SYBU: variants seen among roughly 807,000 people sequenced by gnomAD.
The protein encoded by SYBU is syntabulin.
In SYBU, 21 loss-of-function variants were observed where a neutral mutation model predicts 35.9. The observed-to-expected ratio is 0.58, with a 90% confidence interval of 0.41 to 0.84. The LOEUF (loss-of-function observed/expected upper bound fraction) is 0.84, where lower values mean the gene tolerates loss of function less well. Ranked by LOEUF, SYBU falls within the 40% of genes least tolerant of loss-of-function variation. The pLI is 0.00. For missense variants in SYBU, 768 were observed against 848.2 expected (o/e 0.91, Z 1.17); for synonymous variants, 319 against 324.3 (o/e 0.98, Z 0.18).
At chr8:109,600,143 T>C (rs1227766380) in intron 3 of SYBU, among the ~76,000 whole-genome samples, 2 of 152,216 alleles carry the variant, frequency 1.3e-5, no homozygotes, top group Admixed American at 1.3e-4. Context: ...GTCAGCTCCT[T>C]GAGGGCGTGT....
At chr8:109,673,043 T>C (rs1242979979) in intron 1 of SYBU, among the ~76,000 whole-genome samples, 2 of 152,178 alleles carry the variant, frequency 1.3e-5, no homozygotes, top group Non-Finnish European at 2.9e-5. Flanking sequence ...CAGGGGCTTA[T>C]ATATAAAATG....
chr8:109,611,740 GA>G (rs1442252330), intron 3 of SYBU, among the ~76,000 whole-genome samples: 1 of 152,160 alleles, frequency 6.6e-6, no homozygotes, highest in Non-Finnish European at 1.5e-5. Flanking sequence ...TGATTAAGTA[GA>G]AAACACTGAC....
intron 2 of SYBU, among the ~76,000 whole-genome samples, chr8:109,633,979 C>A (rs1813921705): frequency 6.6e-6 from 1 of 152,118 alleles, no homozygotes; most frequent in Non-Finnish European, 1.5e-5. Context: ...AGTGACCTGC[C>A]AGCCTCGGCT....
chr8:109,617,522 G>T (rs1431464465), intron 3 of SYBU, among the ~76,000 whole-genome samples: 1 of 152,220 alleles, frequency 6.6e-6, no homozygotes, highest in East Asian at 1.9e-4. Context: ...AGCTAAGGGA[G>T]ACAGTCCTAG....
chr8:109,603,461 C>T (rs1825757934), intron 3 of SYBU: 1 of 972,474 alleles, frequency 1.0e-6, no homozygotes. Flanking sequence ...GCACAAAGCA[C>T]ATGTTCCCAG....
chr8:109,589,063 G>A lies in SYBU; in HGVS notation c.428-2901C>T, dbSNP rs182470983. Among the ~76,000 whole-genome samples, 459 of 152,284 alleles carry A rather than the reference G, an allele frequency of 3.0e-3. 1 individual carries two copies. The highest frequency in any genetic ancestry group is 4.6e-3 in the Non-Finnish European group (316 of 68,024). ...TAATCCTAGCTACTTGGGAAGCTGA[G>A]GCAGGAGAATTGCTTGAACCAGGGA... On this transcript the variant is annotated intron_variant, in intron 3 of 6. Transcript: ENST00000276646.
intron 6 of SYBU, among the ~76,000 whole-genome samples, chr8:109,577,630 G>A (rs1408085015): frequency 5.3e-5 from 8 of 152,066 alleles, no homozygotes; most frequent in East Asian, 1.9e-4. Flanking sequence ...AACAAAAAAC[G>A]ACAACAACAA....
chr8:109,594,053 G>T (rs879308518), intron 3 of SYBU, among the ~76,000 whole-genome samples: 1 of 152,222 alleles, frequency 6.6e-6, no homozygotes, highest in Non-Finnish European at 1.5e-5. Context: ...TGGAAAGCCT[G>T]CTGCTTCTAT....
In SYBU at chr8:109,691,199, C is replaced by T. The variant is rs1259685025; in HGVS notation, c.-58+134G>A. The T allele has an allele frequency of 3.3e-6, 2 of 602,430 alleles. No individual in the cohort carries two copies. The highest frequency in any genetic ancestry group is 3.0e-6 in the Non-Finnish European group (1 of 335,676). The allele number at this position is 602,430 out of a possible 1,614,324, so 37.3% of individuals were successfully genotyped here. Reference sequence around the variant, plus strand: ...TGTGCATCGCCGAGCACCCTGGATACCTCCCGCATTGGAAAGGGTGGTCCT... The same window carrying T: ...TGTGCATCGCCGAGCACCCTGGATATCTCCCGCATTGGAAAGGGTGGTCCT... On this transcript the variant is annotated intron_variant, in intron 1 of 7. Transcript: ENST00000422135. The surrounding 1 kb of genome is among the most constrained non-coding windows in gnomAD (Gnocchi z 4.7).
chr8:109,632,366 G>T (rs1373316260), intron 2 of SYBU, among the ~76,000 whole-genome samples: 1 of 152,120 alleles, frequency 6.6e-6, no homozygotes, highest in African/African-American at 2.4e-5. Flanking sequence ...TTATTCTCTT[G>T]AAAAACTTAT....
At chr8:109,602,097 T>C (rs1009851172) in intron 3 of SYBU, among the ~76,000 whole-genome samples, 1 of 152,156 alleles carries the variant, frequency 6.6e-6, no homozygotes, top group African/African-American at 2.4e-5. Flanking sequence ...AGGTAGCTCT[T>C]AGGTTCCACA....
chr8:109,658,723 G>T (rs1181011023), intron 1 of SYBU, among the ~76,000 whole-genome samples: 1 of 152,202 alleles, frequency 6.6e-6, no homozygotes, highest in African/African-American at 2.4e-5. Flanking sequence ...GAAGGCCAAG[G>T]TGGGCAGATC....
intron 3 of SYBU, among the ~76,000 whole-genome samples, chr8:109,616,200 CG>C (rs1355236797): frequency 5.3e-5 from 8 of 150,848 alleles, no homozygotes; most frequent in Middle Eastern, 3.4e-3. Context: ...TTAGTAGAGA[CG>C]GGGTTTCACC....
upstream of SYBU, among the ~76,000 whole-genome samples, chr8:109,685,862 A>T (rs1176385423): frequency 6.6e-6 from 1 of 152,226 alleles, no homozygotes; most frequent in Admixed American, 6.5e-5. Flanking sequence ...AAAAATTACG[A>T]AATGAAGAGT....
chr8:109,597,880 G>T (rs1238153825), intron 3 of SYBU, among the ~76,000 whole-genome samples: 1 of 152,180 alleles, frequency 6.6e-6, no homozygotes, highest in Non-Finnish European at 1.5e-5. Flanking sequence ...TCTGTTGAGC[G>T]AGTCAGGCAA....
intron 1 of SYBU, among the ~76,000 whole-genome samples, chr8:109,671,617 G>A (rs143188476): frequency 1.1e-3 from 163 of 152,252 alleles, no homozygotes; most frequent in African/African-American, 3.6e-3. Flanking sequence ...AACTAGTTTT[G>A]TTCAATGTGT....
Position 109,642,935 on chromosome 8 carries a change from C to T in SYBU, c.25-3G>A, listed in dbSNP as rs775857386. 2 of 1,466,174 alleles carry T rather than the reference C, an allele frequency of 1.4e-6. No homozygotes were observed. The highest frequency in any genetic ancestry group is 1.8e-6 in the Non-Finnish European group (2 of 1,103,296). The allele number at this position is 1,466,174 out of a possible 1,614,324, so 90.8% of individuals were successfully genotyped here. The stretch of plus-strand genomic sequence containing the variant: ...TGATGCTGCACTCTGTGCTCCTTCT[C>T]AAAATTGGACATCAAAAAAGAAAAC... On this transcript the variant is annotated splice_region_variant and splice_polypyrimidine_tract_variant and intron_variant, in intron 1 of 6. Coordinates refer to ENST00000276646, the MANE Select transcript of SYBU (RefSeq NM_001099754.2).
rs1369755202 is a variant in SYBU at position 109,577,822 on chromosome 8, G to A, written c.884+46C>T. The A allele has an allele frequency of 2.6e-6, 4 of 1,511,382 alleles. No homozygotes were observed. In the South Asian group the frequency reaches 3.9e-5, roughly 15 times the overall value. 93.6% of individuals were successfully genotyped at this position (1,511,382 alleles called of 1,614,324 possible). A position where few individuals can be genotyped will look rare whatever the true frequency, so the allele number is the denominator to read the frequency against. ...TTGGGTTCATATTTCATTTTATGGAGAAAGAAGTTGTCCTACACCCCACCG... is the reference window on the plus strand; with the variant it reads ...TTGGGTTCATATTTCATTTTATGGAAAAAGAAGTTGTCCTACACCCCACCG... On this transcript the variant is annotated intron_variant, in intron 6 of 6. Transcript: ENST00000276646.
rs886321027 is a variant in SYBU, at chr8:109,670,568, C to G, written c.-129+10143G>C. On this transcript the variant is annotated intron_variant, in intron 1 of 5. Coordinates refer to the SYBU transcript ENST00000408889. ...TTACTGTGACGTTTTTCCTATAGGA[C>G]TATTTTGATAAGGCTATTGTGTAAT... 3.3e-5 allele frequency among the ~76,000 whole-genome samples: 5 copies of G among 152,054 alleles called. No individual in the cohort carries two copies. In the East Asian group the frequency reaches 9.6e-4, roughly 29 times the overall value.
Sources: allele counts gnomAD v4.1 joint callset (sites outside exome capture counted in the v4.1 genomes callset), GRCh38; gene constraint gnomAD v4.1.1; non-coding constraint Gnocchi (gnomAD v3.1); transcripts MANE v1.5; gene names NCBI Gene and HGNC (gene_info 2026-07-23, HGNC 2026-07-21).